NELL1: variants seen among roughly 807,000 people sequenced by gnomAD.
The protein encoded by NELL1 is neural EGFL like 1.
In NELL1, 76 loss-of-function variants were observed where a neutral mutation model predicts 107.4. The ratio of observed to expected loss-of-function variants is 0.71; its 90% CI spans 0.59 to 0.86. The LOEUF is 0.86. Ranked by LOEUF, NELL1 falls within the 40% of genes least tolerant of loss-of-function variation. The pLI is 0.00. For synonymous variants in NELL1, 353 were observed against 341.2 expected (o/e 1.03, Z -0.38); for missense variants, 1,024 against 1,005.5 (o/e 1.02, Z -0.25).
chr11:20,919,534 A>G (rs965224319), intron 7 of NELL1, among the ~76,000 whole-genome samples, 200 bp downstream of exon 7: 1 of 152,104 alleles, frequency 6.6e-6, no homozygotes, highest in African/African-American at 2.4e-5. Flanking sequence ...AAGCTGTATC[A>G]TAATGTTTAC....
At chr11:20,821,782 T>C (rs1167352613) in intron 3 of NELL1, among the ~76,000 whole-genome samples, 3 of 152,306 alleles carry the variant, frequency 2.0e-5, no homozygotes, top group Admixed American at 6.5e-5. Flanking sequence ...TCAGCCTGGG[T>C]TCTGTAGTGA....
chr11:21,267,295 T>C (rs1200158462), intron 14 of NELL1, among the ~76,000 whole-genome samples: 1 of 152,130 alleles, frequency 6.6e-6, no homozygotes, highest in African/African-American at 2.4e-5. Flanking sequence ...CACTATACTT[T>C]TTAATGATAA....
intron 13 of NELL1, among the ~76,000 whole-genome samples, chr11:21,177,791 A>AT (rs1351284618): frequency 3.3e-5 from 5 of 151,406 alleles, no homozygotes; most frequent in East Asian, 1.9e-4. Flanking sequence ...GTTACCTTTC[A>AT]TTTTTTTTAT....
At chr11:21,426,423 T>A (rs1852824013) in intron 15 of NELL1, among the ~76,000 whole-genome samples, 2 of 152,228 alleles carry the variant, frequency 1.3e-5, no homozygotes, top group African/African-American at 4.8e-5. Flanking sequence ...AGGACTTTTA[T>A]GAGCATCATA....
At chr11:21,281,572 G>A (rs571594427) in intron 14 of NELL1, among the ~76,000 whole-genome samples, 3 of 152,216 alleles carry the variant, frequency 2.0e-5, no homozygotes, top group Non-Finnish European at 2.9e-5. Flanking sequence ...GGGGTAGCCA[G>A]TTAGTGGTTA....
intron 14 of NELL1, among the ~76,000 whole-genome samples, chr11:21,279,156 A>G (rs1308077456): frequency 1.3e-5 from 2 of 152,192 alleles, no homozygotes; most frequent in Admixed American, 1.3e-4. Flanking sequence ...TGGTAATGAA[A>G]ATGAAAAACT....
intron 16 of NELL1, among the ~76,000 whole-genome samples, chr11:21,548,481 A>G (rs912382707): frequency 1.3e-5 from 2 of 151,786 alleles, no homozygotes; most frequent in Admixed American, 1.3e-4. Context: ...TTACTTCTCA[A>G]TAGGTGAGAG....
At chr11:20,915,717 A>ATATATATATATATATATATATTT in intron 5 of NELL1, among the ~76,000 whole-genome samples, 13 of 58,200 alleles carry the variant, frequency 2.2e-4, no homozygotes, top group African/African-American at 7.1e-4. Context: ...ATATATATAT[A>ATATATATATATATATATATATTT]TTTTTTTTTT....
chr11:21,054,243 CA>C (rs1051532206), intron 12 of NELL1, among the ~76,000 whole-genome samples: 90 of 152,060 alleles, frequency 5.9e-4, no homozygotes, highest in African/African-American at 2.1e-3. Flanking sequence ...GTTAGGATAA[CA>C]GTGTAGTTAC....
intron 12 of NELL1, among the ~76,000 whole-genome samples, chr11:21,034,328 G>A (rs1406243808): frequency 6.6e-6 from 1 of 152,116 alleles, no homozygotes. Flanking sequence ...TAGGTACGTG[G>A]CCTTATTTCT....
chr11:21,349,319 T>C (rs946648855), intron 14 of NELL1, among the ~76,000 whole-genome samples: 5 of 152,162 alleles, frequency 3.3e-5, no homozygotes, highest in Non-Finnish European at 5.9e-5. Flanking sequence ...ATCCATGGTC[T>C]ATATAGTTGC....
At chr11:21,124,010 A>G (rs1168457520) in intron 13 of NELL1, among the ~76,000 whole-genome samples, 1 of 152,176 alleles carries the variant, frequency 6.6e-6, no homozygotes, top group Non-Finnish European at 1.5e-5. Flanking sequence ...ATGCAAGCAC[A>G]GACACATAGA....
At chr11:20,970,440 A>C (rs1320558646) in intron 12 of NELL1, among the ~76,000 whole-genome samples, 1 of 152,182 alleles carries the variant, frequency 6.6e-6, no homozygotes, top group Non-Finnish European at 1.5e-5. Context: ...ACAGTTTAAA[A>C]GGGGGAAAAG....
At chr11:21,324,927 TTC>T (rs1256857717) in intron 14 of NELL1, among the ~76,000 whole-genome samples, 8 of 152,066 alleles carry the variant, frequency 5.3e-5, no homozygotes, top group African/African-American at 1.9e-4. Flanking sequence ...TTCCCCTTTC[TTC>T]TCTGTCTCCT....
At position 21,472,954 on chromosome 11, in the gene NELL1, A is replaced by C. The variant is rs548317893; in HGVS notation, c.1646-61420A>C. Among the ~76,000 whole-genome samples the C allele has an allele frequency of 7.5e-4, 114 of 152,106 alleles. 2 individuals carry two copies. Among genetic ancestry groups the C allele is most frequent in the Middle Eastern group, 3.4e-3 (1 of 294 alleles). On this transcript the variant is annotated intron_variant, in intron 15 of 19. Transcript: ENST00000357134. ...TTATTTAAAGTGCCCAGATTTAGAG[A>C]ATGGAGACACAAAGATTAATCATAC...
chr11:21,222,714 T>A (rs1857789262), intron 13 of NELL1, among the ~76,000 whole-genome samples: 1 of 152,114 alleles, frequency 6.6e-6, no homozygotes, highest in Non-Finnish European at 1.5e-5. Context: ...CCCCAGAGGT[T>A]TTGGTATATT....
chr11:21,337,242 T>C (rs914044137), intron 14 of NELL1, among the ~76,000 whole-genome samples: 2 of 152,290 alleles, frequency 1.3e-5, no homozygotes, highest in African/African-American at 4.8e-5. Flanking sequence ...GGGTTCTTTT[T>C]GTTTTTTCTT....
intron 12 of NELL1, among the ~76,000 whole-genome samples, chr11:21,092,553 A>G (rs746483164): frequency 6.6e-6 from 1 of 152,154 alleles, no homozygotes; most frequent in Non-Finnish European, 1.5e-5. Flanking sequence ...TGATGATGAT[A>G]ATATATGCCC....
chr11:21,417,104 G>A (rs1461605804), intron 15 of NELL1, among the ~76,000 whole-genome samples: 1 of 151,948 alleles, frequency 6.6e-6, no homozygotes, highest in African/African-American at 2.4e-5. Context: ...TATTAAATGT[G>A]TGGACATGTA....
Sources: allele counts gnomAD v4.1 joint callset (sites outside exome capture counted in the v4.1 genomes callset), GRCh38; gene constraint gnomAD v4.1.1; transcripts MANE v1.5; gene names NCBI Gene and HGNC (gene_info 2026-07-23, HGNC 2026-07-21).